Variants in AKAP12 observed in about 807,000 individuals in gnomAD.
The protein encoded by AKAP12 is A-kinase anchor protein 12.
In AKAP12, 32 loss-of-function variants were observed where a neutral mutation model predicts 79.9. The ratio of observed to expected loss-of-function variants is 0.40; its 90% CI spans 0.30 to 0.54. The LOEUF is 0.54. Ranked by LOEUF, AKAP12 falls within the 20% of genes least tolerant of loss-of-function variation. The pLI, the probability that AKAP12 is intolerant of heterozygous loss-of-function variation, is 0.48. For synonymous variants in AKAP12, 808 were observed against 857.0 expected, an observed-to-expected ratio of 0.94 and a Z score of 1.00; for missense variants, 2,074 against 2,177.0, an observed-to-expected ratio of 0.95 and a Z score of 0.94.
At chr6:151,340,945 C>T (rs1777928657) in intron 3 of AKAP12, among the ~76,000 whole-genome samples, 2 of 152,188 alleles carry the variant, frequency 1.3e-5, no homozygotes, top group Admixed American at 6.5e-5. Flanking sequence ...TCAGGAAGCG[C>T]GATGACATCT....
rs143407461 is a variant in AKAP12, at chr6:151,271,013, G to T, written c.162+30289G>T. Among the ~76,000 whole-genome samples, 605 of 152,280 alleles carry T rather than the reference G, an allele frequency of 4.0e-3. 15 individuals are homozygous for T. In the East Asian group the frequency reaches 0.087, roughly 22 times the overall value. ...ATAGAGTTACTGCTTCTAGTTTGGG[G>T]AGTTAGTTGCTAAAATAATAAAATG... On this transcript the variant is annotated intron_variant, in intron 2 of 4. Coordinates refer to ENST00000402676, the MANE Select transcript of AKAP12 (RefSeq NM_005100.4).
At chr6:151,307,776 C>T (rs1360533908) in intron 3 of AKAP12, among the ~76,000 whole-genome samples, 1 of 152,166 alleles carries the variant, frequency 6.6e-6, no homozygotes, top group Non-Finnish European at 1.5e-5. Context: ...ATTCCATCGT[C>T]TCCCTGAGGT....
In AKAP12 at chr6:151,349,309, C is replaced by A. The variant is rs138347602; in HGVS notation, c.918C>A (p.Gly306=). The change falls in exon 4 of 5, where the codon GGC becomes GGA. Residue 306 remains glycine (G), a synonymous_variant. Coordinates refer to ENST00000402676, the MANE Select transcript of AKAP12 (RefSeq NM_005100.4). ...AATTCTTCACTCAAGGTTGGGCCGG[C>A]TGGCGCAAAAAGACCAGTTTCAGGA... is the stretch of plus-strand genomic sequence containing the variant. ...FKKFFTQGWA[G]WRKKTSFRKP... The A allele has an allele frequency of 1.1e-4, 172 of 1,613,672 alleles. No individual in the cohort carries two copies. Among genetic ancestry groups the A allele is most frequent in the Non-Finnish European group, 1.3e-4 (158 of 1,179,946 alleles).
chr6:151,261,733 T>TTTA (rs1554320393), intron 2 of AKAP12, among the ~76,000 whole-genome samples: 29 of 144,026 alleles, frequency 2.0e-4, no homozygotes, highest in Admixed American at 1.3e-3. Context: ...GTTTTTATTA[T>TTTA]TTTATTTATT....
rs777983996 is a variant in AKAP12 at position 151,349,866 on chromosome 6, C to T, written c.1475C>T (p.Pro492Leu). The change falls in exon 4 of 5, where the codon CCC (proline) becomes CTC (leucine). Residue 492 changes from proline to leucine, a missense_variant. Pro to Leu is a moderately conservative substitution (Grantham distance 98, BLOSUM62 -3). This residue lies in a region of AKAP12 where 1,428 missense variants were observed against 1,451.0 expected (regional missense o/e 0.98). Coordinates refer to ENST00000402676, the MANE Select transcript of AKAP12 (RefSeq NM_005100.4). ...LSPDEKVLSKPPEGVVSEVEM... is the reference protein window; with the variant it reads ...LSPDEKVLSKLPEGVVSEVEM... Reference sequence around the variant, plus strand: ...CCTGATGAGAAGGTGCTGTCCAAACCCCCCGAAGGCGTTGTGAGTGAGGTG... The same window carrying T: ...CCTGATGAGAAGGTGCTGTCCAAACTCCCCGAAGGCGTTGTGAGTGAGGTG... 3 of 1,614,096 alleles carry T rather than the reference C, an allele frequency of 1.9e-6. No homozygotes were observed. Among genetic ancestry groups the T allele is most frequent in the Non-Finnish European group, 1.7e-6 (2 of 1,180,034 alleles).
rs573440150 is a variant in AKAP12 at position 151,312,849 on chromosome 6, G to A, written c.319+6946G>A. Among the ~76,000 whole-genome samples the A allele has an allele frequency of 3.1e-4, 47 of 151,204 alleles. No homozygotes were observed. In the Middle Eastern group the frequency reaches 0.021, roughly 66 times the overall value. The stretch of plus-strand genomic sequence containing the variant: ...CAGAGTTTTCTTGGGATGGGGATTC[G>A]GAGGGTGGTCCATGGCAGGAGATGG... On this transcript the variant is annotated intron_variant, in intron 3 of 4. Transcript: ENST00000402676.
chr6:151,350,234 A>G lies in AKAP12; in HGVS notation c.1843A>G (p.Lys615Glu). ...EGVTPWASFK[K>E]MVTPKKRVRR... is the part of the protein sequence containing the mutation. ...TGTCACTCCCTGGGCATCATTCAAA[A>G]AGATGGTGACGCCCAAGAAGCGTGT... is the stretch of plus-strand genomic sequence containing the variant. The change falls in exon 4 of 5, where the codon AAG becomes GAG. Residue 615 changes from lysine to glutamate, a missense_variant. Transcript: ENST00000402676. This position sits in a 1 kb window ranked among gnomAD's most constrained non-coding sequence, Gnocchi z 4.8. 6.2e-7 allele frequency: 1 copy of G among 1,614,096 alleles called. No individual in the cohort carries two copies. The highest frequency in any genetic ancestry group is 8.5e-7 in the Non-Finnish European group (1 of 1,180,020).
chr6:151,335,176 A>G (rs1227790502), intron 3 of AKAP12, among the ~76,000 whole-genome samples: 2 of 152,228 alleles, frequency 1.3e-5, no homozygotes, highest in Non-Finnish European at 2.9e-5. Flanking sequence ...CTTTATTCAG[A>G]AAACAACACA....
Position 151,240,392 on chromosome 6 carries a change from C to T in AKAP12, c.-171C>T, listed in dbSNP as rs1381390864. ...TTTCCTTTTCTTTTAAGGAGTTTGC[C>T]GCGAGCGCGTCTCCTTCATTCGCAG... On this transcript the variant is annotated 5_prime_UTR_variant, in exon 2 of 5. Transcript: ENST00000402676. 2 of 598,220 alleles carry T rather than the reference C, an allele frequency of 3.3e-6. No homozygotes were observed. The highest frequency in any genetic ancestry group is 2.5e-6 in the Non-Finnish European group (1 of 400,490). The allele number at this position is 598,220 out of a possible 1,614,324, so 37.1% of individuals were successfully genotyped here. A position where few individuals can be genotyped will look rare whatever the true frequency, so the allele number is the denominator to read the frequency against.
At chr6:151,286,814 C>G (rs79144641) in intron 2 of AKAP12, among the ~76,000 whole-genome samples, 1 of 152,272 alleles carries the variant, frequency 6.6e-6, no homozygotes, top group East Asian at 1.9e-4. Flanking sequence ...GCTCAGAGCT[C>G]GAGAGAGTTC....
intron 3 of AKAP12, chr6:151,325,677 C>A: frequency 7.0e-7 from 1 of 1,428,216 alleles, no homozygotes; most frequent in South Asian, 1.5e-5. Flanking sequence ...CCGCGCTCTG[C>A]TTTTCGCTGC....
chr6:151,275,638 T>C (rs1012025403), intron 2 of AKAP12, among the ~76,000 whole-genome samples: 6 of 152,206 alleles, frequency 3.9e-5, no homozygotes, highest in Non-Finnish European at 7.3e-5. Flanking sequence ...TTTACATTGA[T>C]TTAGGAATTT....
In AKAP12 at chr6:151,353,337, C is replaced by G; in HGVS notation, c.4946C>G (p.Ser1649Cys). 4 of 1,614,150 alleles carry G rather than the reference C, an allele frequency of 2.5e-6. No homozygotes were observed. The highest frequency in any genetic ancestry group is 3.4e-6 in the Non-Finnish European group (4 of 1,180,034). ...EKTMTVEVEG[S>C]TVNDQQLEEV... ...ACCATGACTGTTGAGGTAGAAGGTT[C>G]CACTGTAAATGATCAGCAGCTGGAA... The change falls in exon 4 of 5, where the codon TCC (serine) becomes TGC (cysteine). Residue 1649 changes from serine to cysteine, a missense_variant. By Grantham distance (112) the Ser-to-Cys change is moderately radical (BLOSUM62 -1). Transcript: ENST00000402676.
intron 4 of AKAP12, 54 bp downstream of exon 4, chr6:151,353,806 A>G (rs762148881): frequency 7.8e-7 from 1 of 1,282,468 alleles, no homozygotes. Context: ...AATAGATGGC[A>G]AATTTGTTAC....
intron 2 of AKAP12, among the ~76,000 whole-genome samples, chr6:151,286,798 G>GTCTA (rs1416870222): frequency 6.6e-6 from 1 of 152,172 alleles, no homozygotes; most frequent in Non-Finnish European, 1.5e-5. Flanking sequence ...GTCAGAGAAG[G>GTCTA]TTAGAGCTCA....
intron 2 of AKAP12, among the ~76,000 whole-genome samples, chr6:151,293,580 C>G (rs951947515): frequency 6.6e-6 from 1 of 152,164 alleles, no homozygotes; most frequent in Non-Finnish European, 1.5e-5. Flanking sequence ...GGTCATGACA[C>G]TGGACTATAA....
intron 2 of AKAP12, among the ~76,000 whole-genome samples, chr6:151,294,373 G>T (rs542457049): frequency 1.3e-4 from 20 of 152,172 alleles, no homozygotes; most frequent in African/African-American, 4.3e-4. Context: ...GATATGGGGG[G>T]TCGGGGTTGG....
Position 151,350,568 on chromosome 6 carries a change from A to G in AKAP12, c.2177A>G (p.Asp726Gly), listed in dbSNP as rs1778255471. The change falls in exon 4 of 5, where the codon GAC becomes GGC. Residue 726 changes from aspartate (D) to glycine (G), a missense_variant. Physicochemically the swap from Asp to Gly is moderately conservative, Grantham distance 94. This residue lies in a region of AKAP12 where 1,428 missense variants were observed against 1,451.0 expected (regional missense o/e 0.98). Coordinates refer to ENST00000402676, the MANE Select transcript of AKAP12 (RefSeq NM_005100.4). The surrounding 1 kb of genome is among the most constrained non-coding windows in gnomAD (Gnocchi z 4.8). Reference protein sequence around the residue: ...EAGKDKETGTDGILAGSQEHD... With the variant: ...EAGKDKETGTGGILAGSQEHD... Reference sequence around the variant, plus strand: ...GGAAAAGACAAAGAGACGGGGACAGACGGGATCCTTGCTGGTTCCCAAGAA... The same window carrying G: ...GGAAAAGACAAAGAGACGGGGACAGGCGGGATCCTTGCTGGTTCCCAAGAA... 1 of 1,614,116 alleles carries G rather than the reference A, an allele frequency of 6.2e-7. No homozygotes were observed. Among genetic ancestry groups the G allele is most frequent in the East Asian group, 2.2e-5 (1 of 44,868 alleles).
At chr6:151,355,232 G>A (rs1778412791) in intron 4 of AKAP12, among the ~76,000 whole-genome samples, 1 of 151,246 alleles carries the variant, frequency 6.6e-6, no homozygotes, top group South Asian at 2.1e-4. Context: ...CAAGTGATCT[G>A]CCCGCCTCGG....
Sources: gnomAD v4.1 joint callset for allele counts (sites outside exome capture counted in the v4.1 genomes callset) on GRCh38, gnomAD v4.1.1 for gene constraint, gnomAD v4.1.1 regional missense constraint, Gnocchi (gnomAD v3.1) non-coding constraint, MANE v1.5 for transcripts, NCBI Gene and HGNC (gene_info 2026-07-23, HGNC 2026-07-21) for gene names.